Variants in UNC45B observed in about 807,000 individuals in gnomAD.
UNC45B encodes the protein unc-45 myosin chaperone B.
Under a neutral mutation model 98.7 loss-of-function variants are expected in UNC45B, and 78 were observed. The observed-to-expected ratio is 0.79, with a 90% CI of 0.66 to 0.95. The LOEUF (loss-of-function observed/expected upper bound fraction) is 0.95, where lower values mean the gene tolerates loss of function less well. UNC45B is among the 40% of genes least tolerant of loss of function. The pLI is 0.00. For synonymous variants in UNC45B, 462 were observed against 480.4 expected (o/e 0.96, Z 0.50); for missense variants, 1,225 against 1,184.9 (o/e 1.03, Z -0.50).
chr17:35,148,506 T>A, intron 2 of UNC45B, 75 bp downstream of exon 2: 1 of 1,503,034 alleles, frequency 6.7e-7, no homozygotes, highest in Non-Finnish European at 8.9e-7. Flanking sequence ...CCCTTCACCC[T>A]GATAGAAATT....
At chr17:35,182,332 G>T (rs2092279252) in intron 18 of UNC45B, among the ~76,000 whole-genome samples, 1 of 152,054 alleles carries the variant, frequency 6.6e-6, no homozygotes, top group South Asian at 2.1e-4. Flanking sequence ...CTCGTGGTCT[G>T]CCTGCCTTGG....
rs564845439 is a variant in UNC45B at position 35,159,521 on chromosome 17, C to T, written c.955C>T (p.Arg319Cys). 30 of 1,614,000 alleles carry T rather than the reference C, an allele frequency of 1.9e-5. No homozygotes were observed. The highest frequency in any genetic ancestry group is 2.4e-5 in the Non-Finnish European group (28 of 1,179,944). ...RKDLAIHDNS[R>C]TIYVVDNGLR... ...GGACCTTGCCATTCATGACAACTCA[C>T]GTACCATCTATGTGGTGGATAATGG... Residue 319 changes from arginine to cysteine, a missense_variant, in exon 8 of 20, where the codon CGT becomes TGT. Physicochemically the swap from Arg to Cys is radical, Grantham distance 180. Coordinates refer to ENST00000394570, the MANE Select transcript of UNC45B (RefSeq NM_001267052.2).
In UNC45B at chr17:35,163,079, C is replaced by A. The variant is rs986640447; in HGVS notation, c.980-916C>A. ...GTCCTGGGCAACTTACTTGACTTCT[C>A]TAAGTCTTGTTTTTCTCCTCTGAAA... On this transcript the variant is annotated intron_variant, in intron 8 of 19. Transcript: ENST00000394570. Among the ~76,000 whole-genome samples the A allele has an allele frequency of 3.9e-5, 6 of 152,320 alleles. No homozygotes were observed. The East Asian group carries it at 1.2e-3, about 29-fold the overall frequency.
rs1281799276 is a variant in UNC45B, at chr17:35,186,647, G to A, written c.*88G>A. The A allele has an allele frequency of 3.4e-6, 5 of 1,465,400 alleles. No homozygotes were observed. The highest frequency in any genetic ancestry group is 1.3e-5 in the South Asian group (1 of 78,274). 90.8% of individuals were successfully genotyped at this position (1,465,400 alleles called of 1,614,324 possible). A position where few individuals can be genotyped will look rare whatever the true frequency, so the allele number is the denominator to read the frequency against. On this transcript the variant is annotated 3_prime_UTR_variant, in exon 20 of 20. Transcript: ENST00000394570. ...TTCTCCTGAAGAGTCAGGTCATCTA[G>A]GGATCATAGCAGTGACAATGAAGTC...
intron 13 of UNC45B, among the ~76,000 whole-genome samples, chr17:35,173,166 G>T (rs917555076): frequency 2.3e-5 from 3 of 132,614 alleles, no homozygotes; most frequent in Non-Finnish European, 4.6e-5. Context: ...TCCCTCTGTC[G>T]CCCAGGCGGA....
intron 19 of UNC45B, 103 bp from the exon 20 acceptor site, chr17:35,186,196 C>A: frequency 6.8e-7 from 1 of 1,474,392 alleles, no homozygotes; most frequent in Non-Finnish European, 9.2e-7. Context: ...TCTTAAAGGA[C>A]CCACCTCCTA....
chr17:35,166,085 C>CAAAAAAAAAAAAAAAAAA (rs1277152297), intron 9 of UNC45B, among the ~76,000 whole-genome samples: 1 of 16,256 alleles, frequency 6.2e-5, no homozygotes, highest in Non-Finnish European at 1.0e-4. Flanking sequence ...ACCCTCATCT[C>CAAAAAAAAAAAAAAAAAA]TAAAAAAAAA....
At chr17:35,182,727 T>G (rs2092281667) in intron 18 of UNC45B, among the ~76,000 whole-genome samples, 1 of 152,086 alleles carries the variant, frequency 6.6e-6, no homozygotes, top group Admixed American at 6.6e-5. Flanking sequence ...GAGATGCAGG[T>G]AGAGGGTCAC....
At chr17:35,148,121 C>T (rs2091987236) in intron 1 of UNC45B, 143 bp from the exon 2 acceptor site, 1 of 874,824 alleles carries the variant, frequency 1.1e-6, no homozygotes, top group Non-Finnish European at 1.7e-6. Context: ...TTTGGGGGTT[C>T]TGGGGGTGGG....
At position 35,189,080 on chromosome 17, in the gene UNC45B, G is replaced by GA. The variant is rs1360371069; in HGVS notation, c.*2525dup. 1 of 152,066 alleles carries GA rather than the reference G, an allele frequency of 6.6e-6. No individual in the cohort carries two copies. The highest frequency in any genetic ancestry group is 2.4e-5 in the African/African-American group (1 of 41,406). 9.4% of individuals were successfully genotyped at this position (152,066 alleles called of 1,614,324 possible). A position where few individuals can be genotyped will look rare whatever the true frequency, so the allele number is the denominator to read the frequency against. The stretch of plus-strand genomic sequence containing the variant: ...GGTTTTTCCAACCAATTCTCTTACA[G>GA]AAAATCTATAAATATCTTAGAGGTA... On this transcript the variant is annotated 3_prime_UTR_variant, in exon 20 of 20. Transcript: ENST00000394570.
At chr17:35,156,166 A>G (rs980200511) in intron 7 of UNC45B, among the ~76,000 whole-genome samples, 1 of 152,224 alleles carries the variant, frequency 6.6e-6, no homozygotes, top group Non-Finnish European at 1.5e-5. Flanking sequence ...GGAGATGGAA[A>G]GTAGAATAGT....
At chr17:35,178,020 C>T (rs1211415599) in intron 17 of UNC45B, among the ~76,000 whole-genome samples, 1 of 152,108 alleles carries the variant, frequency 6.6e-6, no homozygotes, top group African/African-American at 2.4e-5. Flanking sequence ...CAGCCTCAGC[C>T]TCTCGAGTAG....
intron 7 of UNC45B, among the ~76,000 whole-genome samples, 171 bp downstream of exon 7, chr17:35,155,635 G>A (rs955918970): frequency 7.2e-5 from 11 of 152,130 alleles, no homozygotes; most frequent in African/African-American, 2.7e-4. Context: ...GAGTGCAGTA[G>A]CGCGATCTAG....
chr17:35,153,159 T>C (rs1597906037), intron 5 of UNC45B, among the ~76,000 whole-genome samples, 177 bp downstream of exon 5: 3 of 152,156 alleles, frequency 2.0e-5, no homozygotes, highest in Admixed American at 6.5e-5. Flanking sequence ...GAGATTTGGG[T>C]GAATCTAGTG....
At chr17:35,171,483 G>A in intron 13 of UNC45B, 21 bp downstream of exon 13, 3 of 1,612,414 alleles carry the variant, frequency 1.9e-6, no homozygotes, top group Non-Finnish European at 2.5e-6. Context: ...GCGCGACCCG[G>A]GAGGGGTCTG....
At chr17:35,163,914 G>A in intron 8 of UNC45B, 81 bp from the exon 9 acceptor site, 2 of 1,423,898 alleles carry the variant, frequency 1.4e-6, no homozygotes, top group South Asian at 2.9e-5. Context: ...AGAAGCTGAT[G>A]ATAACAAGTC....
Position 35,188,453 on chromosome 17 carries a change from T to C in UNC45B, c.*1894T>C, listed in dbSNP as rs1765104162. The C allele has an allele frequency of 6.8e-6, 1 of 148,036 alleles. No homozygotes were observed. Among genetic ancestry groups the C allele is most frequent in the East Asian group, 2.0e-4 (1 of 4,958 alleles). 9.2% of individuals were successfully genotyped at this position (148,036 alleles called of 1,614,324 possible). A position where few individuals can be genotyped will look rare whatever the true frequency, so the allele number is the denominator to read the frequency against. ...GCCAGTTAGATAAAGTTCATCTTGT[T>C]TGGATTGGAGAGACTTTTTTTTTTT... On this transcript the variant is annotated 3_prime_UTR_variant, in exon 20 of 20. Coordinates refer to ENST00000394570, the MANE Select transcript of UNC45B (RefSeq NM_001267052.2).
chr17:35,176,179 ATTTC>A, intron 15 of UNC45B, 145 bp downstream of exon 15: 1 of 742,790 alleles, frequency 1.3e-6, no homozygotes. Context: ...CCCCAAGCCA[ATTTC>A]TGCTTGACTT....
chr17:35,170,235 G>A lies in UNC45B; in HGVS notation c.1669G>A (p.Ala557Thr). 1.2e-6 allele frequency: 2 copies of A among 1,611,348 alleles called. No homozygotes were observed. Among genetic ancestry groups the A allele is most frequent in the African/African-American group, 2.7e-5 (2 of 75,006 alleles). The change falls in exon 12 of 20, where the codon GCC becomes ACC. Residue 557 changes from alanine (A) to threonine (T), a missense_variant. Coordinates refer to ENST00000394570, the MANE Select transcript of UNC45B (RefSeq NM_001267052.2). ...TGTCCAGGACGTCCCTGCCCTGCAG[G>A]CCATGTTTGAGCTGGCCAAGGCAGG... Reference protein sequence around the residue: ...DFVQDVPALQAMFELAKTSDK... With the variant: ...DFVQDVPALQTMFELAKTSDK...
Sources: allele counts gnomAD v4.1 joint callset (sites outside exome capture counted in the v4.1 genomes callset), GRCh38; gene constraint gnomAD v4.1.1; transcripts MANE v1.5; gene names NCBI Gene and HGNC (gene_info 2026-07-23, HGNC 2026-07-21).